The following MECOM variants were observed in gnomAD, a reference collection of about 807,000 sequenced individuals.
MECOM encodes the protein histone-lysine N-methyltransferase MECOM.
In MECOM, 13 loss-of-function variants were observed where a neutral mutation model predicts 116.3. The ratio of observed to expected loss-of-function variants is 0.11; its 90% CI spans 0.07 to 0.18. The LOEUF (loss-of-function observed/expected upper bound fraction) is 0.18, where lower values mean the gene tolerates loss of function less well. Ranked by LOEUF, MECOM falls within the 10% of genes least tolerant of loss-of-function variation. The pLI is 1.00. For missense variants in MECOM, 1,299 were observed against 1,509.0 expected, an observed-to-expected ratio of 0.86 and a Z score of 2.31; for synonymous variants, 528 against 535.2, an observed-to-expected ratio of 0.99 and a Z score of 0.19.
At chr3:169,090,318 A>G in intron 14 of MECOM, 82 bp from the exon 15 acceptor site, 2 of 1,252,888 alleles carry the variant, frequency 1.6e-6, no homozygotes, top group Middle Eastern at 2.0e-4. Context: ...TGTCTTCCCA[A>G]CAACAGTTTA....
chr3:169,281,851 A>T (rs1256725609), intron 2 of MECOM, among the ~76,000 whole-genome samples: 1 of 152,148 alleles, frequency 6.6e-6, no homozygotes, highest in African/African-American at 2.4e-5. Context: ...TTGAACCGTA[A>T]ATATGGAAGT....
intron 2 of MECOM, among the ~76,000 whole-genome samples, chr3:169,178,158 C>T (rs1037256508): frequency 6.6e-6 from 1 of 151,972 alleles, no homozygotes; most frequent in African/African-American, 2.4e-5. Context: ...GGAAGGAATA[C>T]ATGTATATAT....
intron 2 of MECOM, among the ~76,000 whole-genome samples, chr3:169,338,570 T>G (rs1202821206): frequency 6.6e-6 from 1 of 151,366 alleles, no homozygotes; most frequent in Admixed American, 6.6e-5. Flanking sequence ...TTCTGAATTA[T>G]AGGTATTTAG....
chr3:169,129,904 G>C (rs1418087855), intron 4 of MECOM, among the ~76,000 whole-genome samples: 1 of 152,168 alleles, frequency 6.6e-6, no homozygotes, highest in Admixed American at 6.5e-5. Flanking sequence ...AAGAGTAAAT[G>C]AGACAATATA....
chr3:169,404,688 G>A (rs1054674563), intron 1 of MECOM, among the ~76,000 whole-genome samples: 1 of 152,128 alleles, frequency 6.6e-6, no homozygotes, highest in African/African-American at 2.4e-5. Flanking sequence ...GCAGACCAGA[G>A]AGCGCCACGC....
At chr3:169,608,217 A>T (rs973800344) in intron 1 of MECOM, among the ~76,000 whole-genome samples, 5 of 152,200 alleles carry the variant, frequency 3.3e-5, no homozygotes, top group Non-Finnish European at 7.3e-5. Flanking sequence ...ACCAGTGGCC[A>T]AGACAGGTGT....
intron 2 of MECOM, among the ~76,000 whole-genome samples, chr3:169,305,093 C>T (rs1436453354): frequency 6.6e-6 from 1 of 152,158 alleles, no homozygotes; most frequent in African/African-American, 2.4e-5. Flanking sequence ...ACTGATAGGA[C>T]TCAATAAATA....
At chr3:169,270,724 C>T (rs892651810) in intron 2 of MECOM, among the ~76,000 whole-genome samples, 2 of 151,818 alleles carry the variant, frequency 1.3e-5, no homozygotes, top group Non-Finnish European at 1.5e-5. Context: ...TAAATTTAAA[C>T]CATGCAAGTA....
At chr3:169,548,574 G>T (rs920346674) in intron 1 of MECOM, among the ~76,000 whole-genome samples, 2 of 152,190 alleles carry the variant, frequency 1.3e-5, no homozygotes, top group African/African-American at 4.8e-5. Flanking sequence ...CATCTTCCTT[G>T]TTTTTTCCTT....
chr3:169,333,484 A>G (rs778157947), intron 2 of MECOM, among the ~76,000 whole-genome samples: 3 of 152,108 alleles, frequency 2.0e-5, no homozygotes, highest in Non-Finnish European at 2.9e-5. Context: ...TCCCTCCCCA[A>G]TTTGATCTCT....
At chr3:169,338,708 A>G (rs1422151755) in intron 2 of MECOM, among the ~76,000 whole-genome samples, 2 of 151,766 alleles carry the variant, frequency 1.3e-5, no homozygotes, top group Non-Finnish European at 2.9e-5. Context: ...CCTCTATGCA[A>G]GGTTGCACTT....
intron 1 of MECOM, among the ~76,000 whole-genome samples, chr3:169,412,617 T>A (rs1737744469): frequency 6.6e-6 from 1 of 152,270 alleles, no homozygotes; most frequent in East Asian, 1.9e-4. Context: ...TGCCAAAATG[T>A]CTCATCTCTT....
chr3:169,332,603 A>G (rs1221301851), intron 2 of MECOM, among the ~76,000 whole-genome samples: 1 of 152,192 alleles, frequency 6.6e-6, no homozygotes, highest in East Asian at 1.9e-4. Flanking sequence ...CGACTTTACT[A>G]CATACTCATA....
At position 169,116,732 on chromosome 3, in the gene MECOM, G is replaced by T; in HGVS notation, c.1140C>A (p.Val380=). 6.3e-7 allele frequency: 1 copy of T among 1,589,238 alleles called. No homozygotes were observed. The highest frequency in any genetic ancestry group is 8.6e-7 in the Non-Finnish European group (1 of 1,167,926). ...HSSVKPFICE[V]CHKSYTQFSN... ...AAAACTGAGTATAGGATTTATGGCA[G>T]ACCTCACCTGTGTGCAAACAACAAA... Residue 380 remains valine, a synonymous_variant, in exon 8 of 17, where the codon GTC becomes GTA. Transcript: ENST00000651503.
intron 2 of MECOM, among the ~76,000 whole-genome samples, chr3:169,213,760 A>G (rs939203036): frequency 6.6e-6 from 1 of 152,138 alleles, no homozygotes; most frequent in Non-Finnish European, 1.5e-5. Context: ...AATTAAATCA[A>G]TATATTTGCC....
At position 169,559,016 on chromosome 3, in the gene MECOM, TAC is replaced by T. The variant is rs145660204; in HGVS notation, c.37+104318_37+104319del. On this transcript the variant is annotated intron_variant, in intron 1 of 16. Transcript: ENST00000651503. ...CAATCCTCTGTCTTCTCAAAGCATC[TAC>T]ACACACACACACTATACACACACAC... is the stretch of plus-strand genomic sequence containing the variant. 9.1e-3 allele frequency among the ~76,000 whole-genome samples: 1,377 copies of T among 150,866 alleles called. 18 individuals are homozygous for T. Among genetic ancestry groups the T allele is most frequent in the South Asian group, 0.029 (140 of 4,778 alleles).
intron 1 of MECOM, among the ~76,000 whole-genome samples, chr3:169,620,449 C>T (rs1428056149): frequency 1.3e-5 from 2 of 152,214 alleles, no homozygotes; most frequent in African/African-American, 4.8e-5. Flanking sequence ...TCACTCTGCT[C>T]TTTCATTTTA....
At chr3:169,618,643 G>A (rs919399199) in intron 1 of MECOM, among the ~76,000 whole-genome samples, 1 of 152,098 alleles carries the variant, frequency 6.6e-6, no homozygotes, top group Non-Finnish European at 1.5e-5. Flanking sequence ...GTGACAGAGT[G>A]AGACTCCATC....
Position 169,180,783 on chromosome 3 carries a change from T to C in MECOM, c.376-36951A>G, listed in dbSNP as rs529329794. Among the ~76,000 whole-genome samples, 4 of 86,430 alleles carry C rather than the reference T, an allele frequency of 4.6e-5. 1 individual carries two copies. The East Asian group carries it at 1.8e-3, about 39-fold the overall frequency. The allele number at this position is 86,430 out of a possible 152,430, so 56.7% of individuals were successfully genotyped here. A position where few individuals can be genotyped will look rare whatever the true frequency, so the allele number is the denominator to read the frequency against. Reference sequence around the variant, plus strand: ...AGTATTCTCTTTATGTATGTGTGTGTGTGTGGAGATGATATATATATATAT... The same window carrying C: ...AGTATTCTCTTTATGTATGTGTGTGCGTGTGGAGATGATATATATATATAT... On this transcript the variant is annotated intron_variant, in intron 2 of 16. Coordinates refer to ENST00000651503, the MANE Select transcript of MECOM (RefSeq NM_004991.4).
Sources: allele counts gnomAD v4.1 joint callset (sites outside exome capture counted in the v4.1 genomes callset), GRCh38; gene constraint gnomAD v4.1.1; transcripts MANE v1.5; gene names NCBI Gene and HGNC (gene_info 2026-07-23, HGNC 2026-07-21).